Variants in CREBBP observed in about 807,000 individuals in gnomAD.
CREBBP encodes the protein CREB-binding protein.
In CREBBP, 19 loss-of-function variants were observed where a neutral mutation model predicts 265.0. The observed-to-expected ratio is 0.07, with a 90% CI of 0.05 to 0.11. The LOEUF (loss-of-function observed/expected upper bound fraction) is 0.11, where lower values mean the gene tolerates loss of function less well. Ranked by LOEUF, CREBBP falls within the 10% of genes least tolerant of loss-of-function variation. CREBBP has a pLI of 1.00. For missense variants in CREBBP, 2,525 were observed against 3,219.0 expected (o/e 0.78, Z 5.22); for synonymous variants, 1,457 against 1,223.7 (o/e 1.19, Z -3.98).
chr16:3,766,941 C>T (rs2052868379), intron 16 of CREBBP, among the ~76,000 whole-genome samples: 1 of 152,208 alleles, frequency 6.6e-6, no homozygotes, highest in Admixed American at 6.5e-5. Context: ...GTACTCCACA[C>T]TCTCCAGGGT....
intron 2 of CREBBP, among the ~76,000 whole-genome samples, chr16:3,823,957 AACACAC>A (rs57902688): frequency 0.024 from 3,554 of 147,532 alleles, 51 homozygotes; most frequent in African/African-American, 0.037. Flanking sequence ...AGGCTGTGGC[AACACAC>A]ACACACACAC....
At chr16:3,765,733 G>C (rs1230099487) in intron 16 of CREBBP, among the ~76,000 whole-genome samples, 1 of 152,052 alleles carries the variant, frequency 6.6e-6, no homozygotes, top group Non-Finnish European at 1.5e-5. Context: ...GTGCATCTTT[G>C]ACCTCCCAGG....
chr16:3,872,410 C>T (rs2055318652), intron 1 of CREBBP, among the ~76,000 whole-genome samples: 2 of 152,140 alleles, frequency 1.3e-5, no homozygotes. Flanking sequence ...TTGTAGCACC[C>T]CTGTCAGCAG....
intron 13 of CREBBP, among the ~76,000 whole-genome samples, chr16:3,772,383 G>A (rs1365225136): frequency 6.7e-6 from 1 of 150,364 alleles, no homozygotes; most frequent in East Asian, 1.9e-4. Context: ...TACTGAAAGA[G>A]AACTGTTTCA....
chr16:3,854,107 G>T (rs1481925434), intron 1 of CREBBP, among the ~76,000 whole-genome samples: 2 of 152,170 alleles, frequency 1.3e-5, no homozygotes, highest in African/African-American at 4.8e-5. Context: ...CTGCCTGGGA[G>T]GTTCCTCTGA....
rs575170153 is a variant in CREBBP at position 3,814,154 on chromosome 16, A to G, written c.799-3375T>C. Among the ~76,000 whole-genome samples the G allele has an allele frequency of 5.1e-5, 7 of 137,784 alleles. No individual in the cohort carries two copies. The South Asian group carries it at 1.7e-3, about 33-fold the overall frequency. 90.4% of individuals were successfully genotyped at this position (137,784 alleles called of 152,430 possible). A position where few individuals can be genotyped will look rare whatever the true frequency, so the allele number is the denominator to read the frequency against. ...GCCTGGGGCCCTTTTCTAACTGGTC[A>G]ATGTTGTTTAGTGTGTGTGTGTGTG... On this transcript the variant is annotated intron_variant, in intron 2 of 30. Coordinates refer to ENST00000262367, the MANE Select transcript of CREBBP (RefSeq NM_004380.3).
At position 3,880,021 on chromosome 16, in the gene CREBBP, G is replaced by A; in HGVS notation, c.-105C>T. The A allele has an allele frequency of 4.0e-6, 4 of 1,008,548 alleles. No homozygotes were observed. The highest frequency in any genetic ancestry group is 3.9e-6 in the Non-Finnish European group (3 of 776,992). The allele number at this position is 1,008,548 out of a possible 1,614,324, so 62.5% of individuals were successfully genotyped here. On this transcript the variant is annotated 5_prime_UTR_variant, in exon 1 of 31. Coordinates refer to ENST00000262367, the MANE Select transcript of CREBBP (RefSeq NM_004380.3). ...GGCTGCGAGGGAGAGGAGCGAGCGC[G>A]GGCCGCGAGCGGGCGGGCGGGCGCC...
chr16:3,866,226 A>G (rs2055176630), intron 1 of CREBBP, among the ~76,000 whole-genome samples: 3 of 152,226 alleles, frequency 2.0e-5, no homozygotes, highest in Admixed American at 2.0e-4. Context: ...TTTTGTACCC[A>G]ACGCTCACAC....
At chr16:3,848,610 G>C (rs549548535) in intron 2 of CREBBP, among the ~76,000 whole-genome samples, 2 of 152,228 alleles carry the variant, frequency 1.3e-5, no homozygotes, top group African/African-American at 4.8e-5. Context: ...TAATTGTTAA[G>C]ATTATTCAGG....
At chr16:3,785,027 G>C (rs2053353675) in intron 5 of CREBBP, among the ~76,000 whole-genome samples, 1 of 152,184 alleles carries the variant, frequency 6.6e-6, no homozygotes, top group Non-Finnish European at 1.5e-5. Flanking sequence ...AACAAATAAA[G>C]AAGGTCTCTG....
At chr16:3,810,476 C>A (rs1346188173) in intron 3 of CREBBP, 127 bp downstream of exon 3, 1 of 1,089,136 alleles carries the variant, frequency 9.2e-7, no homozygotes, top group East Asian at 2.4e-5. Flanking sequence ...CATGAGAAAT[C>A]TGGGTTCTCT....
chr16:3,782,954 A>G (rs1404732426), intron 5 of CREBBP, 28 bp from the exon 6 acceptor site: 1 of 1,614,020 alleles, frequency 6.2e-7, no homozygotes, highest in Non-Finnish European at 8.5e-7. Context: ...CAGACAGACA[A>G]AAACGAGAGG....
chr16:3,762,361 C>CTTTTTTTTT (rs35125490), intron 16 of CREBBP, among the ~76,000 whole-genome samples: 1 of 118,690 alleles, frequency 8.4e-6, no homozygotes, highest in Non-Finnish European at 1.7e-5. Context: ...ATTTTCTTTC[C>CTTTTTTTTT]TTTTTTTTTT....
chr16:3,799,515 A>C (rs2053671671), intron 3 of CREBBP, among the ~76,000 whole-genome samples: 1 of 152,260 alleles, frequency 6.6e-6, no homozygotes, highest in African/African-American at 2.4e-5. Flanking sequence ...TGTATCAAAA[A>C]GAAAAACATG....
At chr16:3,843,260 C>T (rs974489483) in intron 2 of CREBBP, among the ~76,000 whole-genome samples, 6 of 152,080 alleles carry the variant, frequency 3.9e-5, no homozygotes, top group Non-Finnish European at 5.9e-5. Flanking sequence ...TGCCTACCTC[C>T]TATCCTTTTT....
In CREBBP at chr16:3,801,486, T is replaced by C. The variant is rs367977801; in HGVS notation, c.976-7860A>G. Reference sequence around the variant, plus strand: ...CAGTTTGAGACCAGCCTAACTAACATGGTGAAACCCCATTTCTACTAAAAA... The same window carrying C: ...CAGTTTGAGACCAGCCTAACTAACACGGTGAAACCCCATTTCTACTAAAAA... On this transcript the variant is annotated intron_variant, in intron 3 of 30. Coordinates refer to ENST00000262367, the MANE Select transcript of CREBBP (RefSeq NM_004380.3). Among the ~76,000 whole-genome samples, 7 of 152,178 alleles carry C rather than the reference T, an allele frequency of 4.6e-5. No homozygotes were observed. The South Asian group carries it at 8.3e-4, about 18-fold the overall frequency.
chr16:3,866,676 G>C (rs1349188527), intron 1 of CREBBP, among the ~76,000 whole-genome samples: 1 of 151,404 alleles, frequency 6.6e-6, no homozygotes, highest in Non-Finnish European at 1.5e-5. Flanking sequence ...AAAACCCTCA[G>C]AATATAAAAT....
At chr16:3,852,488 G>C (rs1379092120) in intron 1 of CREBBP, among the ~76,000 whole-genome samples, 1 of 152,078 alleles carries the variant, frequency 6.6e-6, no homozygotes, top group East Asian at 1.9e-4. Context: ...TTATTTAAAA[G>C]TTAAAATACA....
rs3025677 is a variant in CREBBP, at chr16:3,731,528, T to G, written c.4891-55A>C. ...ACAAGGGACATGGCACCTCCAGTGGTGAGCTCAGGGCAGGCGCAGCCACCC... is the reference window on the plus strand; with the variant it reads ...ACAAGGGACATGGCACCTCCAGTGGGGAGCTCAGGGCAGGCGCAGCCACCC... On this transcript the variant is annotated intron_variant, in intron 29 of 30. Coordinates refer to ENST00000262367, the MANE Select transcript of CREBBP (RefSeq NM_004380.3). This position sits in a 1 kb window ranked among gnomAD's most constrained non-coding sequence, Gnocchi z 7.7. 1 of 1,551,458 alleles carries G rather than the reference T, an allele frequency of 6.4e-7. No individual in the cohort carries two copies. The highest frequency in any genetic ancestry group is 1.9e-5 in the Admixed American group (1 of 51,482).
Sources: allele counts gnomAD v4.1 joint callset (sites outside exome capture counted in the v4.1 genomes callset), GRCh38; gene constraint gnomAD v4.1.1; non-coding constraint Gnocchi (gnomAD v3.1); transcripts MANE v1.5; gene names NCBI Gene and HGNC (gene_info 2026-07-23, HGNC 2026-07-21).